PEX7: variants seen among roughly 807,000 people sequenced by gnomAD.
PEX7 encodes the protein PTS2 receptor.
A neutral mutation model predicts 47.5 loss-of-function variants in PEX7; 34 were observed. The ratio of observed to expected loss-of-function variants is 0.72; its 90% CI spans 0.54 to 0.95. The LOEUF is 0.95. Among genes scored for constraint, PEX7 ranks in the 40% least tolerant of loss-of-function variants. PEX7 has a pLI of 0.00. For missense variants in PEX7, 394 were observed against 400.3 expected (o/e 0.98, Z 0.13); for synonymous variants, 141 against 148.8 (o/e 0.95, Z 0.38).
Position 136,841,775 on chromosome 6 carries a change from G to T in PEX7, c.340-3840G>T, listed in dbSNP as rs1582742329. The stretch of plus-strand genomic sequence containing the variant: ...ATTTTTAAAATTTTTTATAGAGACG[G>T]GGGTCTCGCCATATTTTCCAGGCTG... On this transcript the variant is annotated intron_variant, in intron 3 of 9. Coordinates refer to ENST00000318471, the MANE Select transcript of PEX7 (RefSeq NM_000288.4). Among the ~76,000 whole-genome samples, 3 of 151,892 alleles carry T rather than the reference G, an allele frequency of 2.0e-5. No homozygotes were observed. The South Asian group carries it at 6.3e-4, about 32-fold the overall frequency.
At chr6:136,912,643 G>A (rs1238113358) in intron 9 of PEX7, among the ~76,000 whole-genome samples, 1 of 152,146 alleles carries the variant, frequency 6.6e-6, no homozygotes, top group East Asian at 1.9e-4. Context: ...CTGGAAGTCA[G>A]CTAGTGTTAA....
At chr6:136,827,805 T>A (rs1774223274) in intron 3 of PEX7, among the ~76,000 whole-genome samples, 1 of 152,046 alleles carries the variant, frequency 6.6e-6, no homozygotes, top group Non-Finnish European at 1.5e-5. Context: ...GTGCTGGGAT[T>A]ATAGGCGTGA....
chr6:136,886,973 C>T (rs1430086335), intron 8 of PEX7, among the ~76,000 whole-genome samples: 2 of 151,732 alleles, frequency 1.3e-5, no homozygotes, highest in Non-Finnish European at 2.9e-5. Flanking sequence ...TCACTTGAGC[C>T]CAGGAGATGG....
At chr6:136,911,233 G>T (rs1775927685) in intron 9 of PEX7, among the ~76,000 whole-genome samples, 1 of 151,944 alleles carries the variant, frequency 6.6e-6, no homozygotes, top group Non-Finnish European at 1.5e-5. Flanking sequence ...GCCTGTCTTA[G>T]AATTCTATAA....
At chr6:136,902,389 A>G (rs1282278259) in intron 9 of PEX7, among the ~76,000 whole-genome samples, 1 of 152,126 alleles carries the variant, frequency 6.6e-6, no homozygotes, top group Non-Finnish European at 1.5e-5. Context: ...CCTTTCTTAG[A>G]GATCTGAGAA....
At chr6:136,848,364 A>C (rs13213312) in intron 5 of PEX7, among the ~76,000 whole-genome samples, 14,981 of 152,194 alleles carry the variant, frequency 0.098, 838 homozygotes, top group Admixed American at 0.14. Context: ...CCCTGGCCAG[A>C]ACTTCCAACA....
At chr6:136,911,953 G>A (rs550538003) in intron 9 of PEX7, among the ~76,000 whole-genome samples, 2 of 152,082 alleles carry the variant, frequency 1.3e-5, no homozygotes, top group African/African-American at 4.8e-5. Flanking sequence ...CTGACATTTG[G>A]TGTTGTCAAT....
intron 3 of PEX7, among the ~76,000 whole-genome samples, chr6:136,841,863 G>T (rs1774506992): frequency 6.6e-6 from 1 of 151,304 alleles, no homozygotes. Context: ...TGGGATTACA[G>T]GCATGAGCCA....
At chr6:136,825,578 G>A (rs1025432312) in intron 2 of PEX7, among the ~76,000 whole-genome samples, 1 of 151,986 alleles carries the variant, frequency 6.6e-6, no homozygotes, top group Non-Finnish European at 1.5e-5. Context: ...CTGTCACCCA[G>A]GCTGGAGTAC....
chr6:136,911,567 G>A (rs1379381564), intron 9 of PEX7, among the ~76,000 whole-genome samples: 3 of 151,944 alleles, frequency 2.0e-5, no homozygotes, highest in Non-Finnish European at 4.4e-5. Flanking sequence ...CACCACACCT[G>A]GCTCATTTTA....
chr6:136,834,947 G>GT (rs965896558), intron 3 of PEX7, among the ~76,000 whole-genome samples: 83 of 149,568 alleles, frequency 5.5e-4, no homozygotes, highest in African/African-American at 1.7e-3. Context: ...TTTGTTTTTT[G>GT]TTTTTTTTTG....
intron 5 of PEX7, among the ~76,000 whole-genome samples, chr6:136,861,112 T>A (rs547024632): frequency 2.0e-5 from 3 of 152,274 alleles, no homozygotes; most frequent in East Asian, 3.9e-4. Context: ...TGAGACAGAG[T>A]CTGGCTCTAT....
intron 1 of PEX7, among the ~76,000 whole-genome samples, chr6:136,823,913 C>A (rs745665005): frequency 1.3e-5 from 2 of 152,142 alleles, no homozygotes; most frequent in African/African-American, 2.4e-5. Flanking sequence ...CCATCTAGTC[C>A]GTGGACTAGA....
intron 8 of PEX7, among the ~76,000 whole-genome samples, chr6:136,892,939 C>T (rs539474048): frequency 1.2e-4 from 19 of 152,104 alleles, no homozygotes; most frequent in Non-Finnish European, 2.2e-4. Flanking sequence ...ACTGATCTTC[C>T]CATACCCACT....
rs201662552 is a variant in PEX7, at chr6:136,867,483, TA to T, written c.633+757del. On this transcript the variant is annotated intron_variant, in intron 6 of 9. Transcript: ENST00000318471. ...ACTAATATGTGTGCGTCTCAGTTTT[TA>T]AAAAAAGAGTTTAAAAAGTAAAAAA... is the stretch of plus-strand genomic sequence containing the variant. Among the ~76,000 whole-genome samples, 1,035 of 151,142 alleles carry T rather than the reference TA, an allele frequency of 6.8e-3. 13 individuals carry two copies. The highest frequency in any genetic ancestry group is 0.023 in the African/African-American group (959 of 41,148).
intron 9 of PEX7, among the ~76,000 whole-genome samples, chr6:136,908,794 A>G (rs1775885572): frequency 1.3e-5 from 2 of 152,152 alleles, no homozygotes; most frequent in South Asian, 4.2e-4. Flanking sequence ...ATTGCCTTAA[A>G]ACTAAAACTT....
intron 3 of PEX7, among the ~76,000 whole-genome samples, chr6:136,831,483 T>C (rs2327762): frequency 0.65 from 99,349 of 152,034 alleles, 32,814 homozygotes; most frequent in African/African-American, 0.76. Context: ...CCTCCCAAAT[T>C]TCATGTCTTT....
rs796439702 is a variant in PEX7 at position 136,828,894 on chromosome 6, C to G, written c.339+2425C>G. Among the ~76,000 whole-genome samples, 10 of 152,298 alleles carry G rather than the reference C, an allele frequency of 6.6e-5. 1 individual carries two copies. The highest frequency in any genetic ancestry group is 1.9e-4 in the African/African-American group (8 of 41,564). ...AACTGCTATTAAACCAGTTTTACAT[C>G]ATTCTGTGATTTTGCAGCTGATTTC... On this transcript the variant is annotated intron_variant, in intron 3 of 9. Coordinates refer to ENST00000318471, the MANE Select transcript of PEX7 (RefSeq NM_000288.4).
chr6:136,883,637 TA>T (rs1775417762), intron 8 of PEX7, among the ~76,000 whole-genome samples: 1 of 152,198 alleles, frequency 6.6e-6, no homozygotes, highest in Non-Finnish European at 1.5e-5. Context: ...ATGCCCGTTC[TA>T]AATGATAATT....
Sources: allele counts gnomAD v4.1 joint callset (sites outside exome capture counted in the v4.1 genomes callset), GRCh38; gene constraint gnomAD v4.1.1; transcripts MANE v1.5; gene names NCBI Gene and HGNC (gene_info 2026-07-23, HGNC 2026-07-21).